The following MORN1 variants were observed in gnomAD, a reference collection of about 807,000 sequenced individuals.
The protein encoded by MORN1 is MORN repeat containing 1, also known as MORN repeat-containing protein 1.
In MORN1, 67 loss-of-function variants were observed where a neutral mutation model predicts 61.9. The observed-to-expected ratio is 1.08, with a 90% CI of 0.89 to 1.33. The LOEUF is 1.33. MORN1 is among the 40% of genes most tolerant of loss of function. MORN1 has a pLI of 0.00. For synonymous variants in MORN1, 301 were observed against 292.0 expected (o/e 1.03, Z -0.31); for missense variants, 752 against 691.2 (o/e 1.09, Z -0.99).
intron 12 of MORN1, among the ~76,000 whole-genome samples, chr1:2,325,241 CCT>C (rs554530967): frequency 1.1e-3 from 129 of 115,988 alleles, no homozygotes; most frequent in Non-Finnish European, 1.9e-3. Flanking sequence ...GTTCCTTCTT[CCT>C]CTCTCTCTCT....
intron 12 of MORN1, among the ~76,000 whole-genome samples, chr1:2,333,528 G>C (rs1252903657): frequency 2.6e-5 from 4 of 152,228 alleles, no homozygotes; most frequent in African/African-American, 9.6e-5. Context: ...GGGCCACACT[G>C]TAGGGGGACC....
chr1:2,325,239 TTCCTCTCTCTCTC>T (rs1180965601), intron 12 of MORN1, among the ~76,000 whole-genome samples: 4 of 121,980 alleles, frequency 3.3e-5, no homozygotes, highest in South Asian at 3.3e-4. Flanking sequence ...TTGTTCCTTC[TTCCTCTCTCTCTC>T]TCCTCTCTCT....
chr1:2,322,930 T>C (rs1187484917), intron 13 of MORN1: 10 of 985,292 alleles, frequency 1.0e-5, no homozygotes, highest in East Asian at 2.3e-4. Flanking sequence ...CCACGTGATC[T>C]AGCCCTGGGC....
intron 12 of MORN1, among the ~76,000 whole-genome samples, chr1:2,327,732 G>A (rs970048706): frequency 1.3e-5 from 2 of 152,222 alleles, no homozygotes; most frequent in African/African-American, 4.8e-5. Context: ...GCGGGCAGGC[G>A]GCACCACCTC....
chr1:2,336,703 C>T lies in MORN1; in HGVS notation c.1170+14G>A, dbSNP rs1301746848. Reference sequence around the variant, plus strand: ...TGATGTGGGGTGGCCTCCCCGCCCCCCGTGGGCACCCACCTTGTGGAGGCT... The same window carrying T: ...TGATGTGGGGTGGCCTCCCCGCCCCTCGTGGGCACCCACCTTGTGGAGGCT... On this transcript the variant is annotated intron_variant, in intron 11 of 13. Transcript: ENST00000378531. 1.9e-6 allele frequency: 3 copies of T among 1,548,092 alleles called. No homozygotes were observed. The highest frequency in any genetic ancestry group is 2.5e-5 in the South Asian group (2 of 81,152).
intron 8 of MORN1, among the ~76,000 whole-genome samples, chr1:2,364,485 A>G (rs2260955): frequency 0.81 from 95,172 of 117,338 alleles, 39,409 homozygotes; most frequent in African/African-American, 0.91. Context: ...AGTAGGTTGC[A>G]AAAATTTTCT....
At chr1:2,361,880 A>C (rs952081224) in intron 8 of MORN1, among the ~76,000 whole-genome samples, 5 of 152,244 alleles carry the variant, frequency 3.3e-5, no homozygotes, top group African/African-American at 1.2e-4. Context: ...TCTATTAAAC[A>C]CTGTATTCTT....
rs770827696 is a variant in MORN1 at position 2,345,847 on chromosome 1, ACACACACAG to A, written c.1037-9006_1037-8998del. 2.6e-3 allele frequency among the ~76,000 whole-genome samples: 375 copies of A among 144,182 alleles called. 2 individuals are homozygous for A. The highest frequency in any genetic ancestry group is 0.011 in the South Asian group (48 of 4,554). 94.6% of individuals were successfully genotyped at this position (144,182 alleles called of 152,430 possible). The stretch of plus-strand genomic sequence containing the variant: ...TATGCGGCCACACACACACACACAC[ACACACACAG>A]ATGTTTGCTCTTATCTCTATGACGC... On this transcript the variant is annotated intron_variant, in intron 10 of 13. Transcript: ENST00000378531.
intron 8 of MORN1, among the ~76,000 whole-genome samples, chr1:2,368,479 C>T (rs750585585): frequency 5.9e-5 from 9 of 152,218 alleles, no homozygotes; most frequent in Non-Finnish European, 1.2e-4. Context: ...GGGGTGGTAA[C>T]TCCCAGGTGT....
chr1:2,359,466 G>A (rs1306823099), intron 8 of MORN1, among the ~76,000 whole-genome samples: 1 of 152,192 alleles, frequency 6.6e-6, no homozygotes, highest in Non-Finnish European at 1.5e-5. Context: ...GGCAGGTGGA[G>A]GTGGCGGAGC....
rs79323601 is a variant in MORN1, at chr1:2,390,550, C to A, written c.77-554G>T. 1,293 of 985,396 alleles carry A rather than the reference C, an allele frequency of 1.3e-3. 20 individuals are homozygous for A. In the African/African-American group the frequency reaches 0.021, roughly 16 times the overall value. 61.0% of individuals were successfully genotyped at this position (985,396 alleles called of 1,614,324 possible). On this transcript the variant is annotated intron_variant, in intron 1 of 13. Coordinates refer to ENST00000378531, the MANE Select transcript of MORN1 (RefSeq NM_024848.3). ...CCTGCAGTTCCAGGAATGGGCAGGG[C>A]TCCCTCCCTACCAGCTCCTCAGGCA...
At position 2,372,888 on chromosome 1, in the gene MORN1, G is replaced by A. The variant is rs888407186; in HGVS notation, c.635-297C>T. ...AGACACAAGTGGGCGGTGTGGGGCT[G>A]TTGGGTTTTCCTGCCCGTGGAATGT... On this transcript the variant is annotated intron_variant, in intron 7 of 13. Transcript: ENST00000378531. The surrounding 1 kb of genome is among the most constrained non-coding windows in gnomAD (Gnocchi z 5.4). 6.6e-6 allele frequency among the ~76,000 whole-genome samples: 1 copy of A among 152,250 alleles called. No homozygotes were observed. Among genetic ancestry groups the A allele is most frequent in the African/African-American group, 2.4e-5 (1 of 41,468 alleles).
chr1:2,367,456 C>CA (rs3065235), intron 8 of MORN1, among the ~76,000 whole-genome samples: 9,452 of 144,126 alleles, frequency 0.066, 898 homozygotes, highest in African/African-American at 0.21. Context: ...TCTGTCTCTA[C>CA]AAAAAAAAAA....
In MORN1 at chr1:2,339,323, G is replaced by A. The variant is rs189453778; in HGVS notation, c.1037-2473C>T. ...CATGGCACGGGTCCACGGAGGGGGC[G>A]TTTCTGCTGCCACACGGTGGGGACT... On this transcript the variant is annotated intron_variant, in intron 10 of 13. Coordinates refer to ENST00000378531, the MANE Select transcript of MORN1 (RefSeq NM_024848.3). Among the ~76,000 whole-genome samples the A allele has an allele frequency of 1.2e-4, 18 of 152,272 alleles. No individual in the cohort carries two copies. The East Asian group carries it at 2.7e-3, about 23-fold the overall frequency.
chr1:2,322,993 C>T, intron 13 of MORN1: 1 of 985,462 alleles, frequency 1.0e-6, no homozygotes, highest in Non-Finnish European at 1.2e-6. Context: ...CCCAAGTGGC[C>T]CCTGAATCGG....
chr1:2,373,410 C>T (rs1310753964), intron 7 of MORN1, among the ~76,000 whole-genome samples: 1 of 152,230 alleles, frequency 6.6e-6, no homozygotes, highest in Admixed American at 6.5e-5. Flanking sequence ...GGGAGACCCT[C>T]CTCGGGGTGA....
At chr1:2,355,708 G>A (rs10159277) in intron 10 of MORN1, among the ~76,000 whole-genome samples, 6,116 of 152,316 alleles carry the variant, frequency 0.04, 386 homozygotes, top group African/African-American at 0.13. Flanking sequence ...GACTGCTGCA[G>A]ACAGTGACCA....
At chr1:2,369,353 C>CAG (rs1168077956) in intron 8 of MORN1, among the ~76,000 whole-genome samples, 2 of 58,994 alleles carry the variant, frequency 3.4e-5, no homozygotes, top group African/African-American at 1.0e-4. Context: ...AACTCAGTCT[C>CAG]AGAAAAAAAA....
At chr1:2,368,227 C>A (rs770355351) in intron 8 of MORN1, among the ~76,000 whole-genome samples, 21 of 152,198 alleles carry the variant, frequency 1.4e-4, no homozygotes, top group African/African-American at 4.6e-4. Flanking sequence ...CAGGGCTTAG[C>A]CTGTGAGGGT....
Sources: allele counts gnomAD v4.1 joint callset (sites outside exome capture counted in the v4.1 genomes callset), GRCh38; gene constraint gnomAD v4.1.1; non-coding constraint Gnocchi (gnomAD v3.1); transcripts MANE v1.5; gene names NCBI Gene and HGNC (gene_info 2026-07-23, HGNC 2026-07-21).